The following LRP1B variants were observed in gnomAD, a reference collection of about 807,000 sequenced individuals.
LRP1B encodes the protein low-density lipoprotein receptor-related protein 1B.
Under a neutral mutation model 556.6 loss-of-function variants are expected in LRP1B, and 217 were observed. That is an observed-to-expected ratio of 0.39 (90% CI 0.35 to 0.44). LRP1B has a LOEUF of 0.44. Among genes scored for constraint, LRP1B ranks in the 20% least tolerant of loss-of-function variants. LRP1B has a pLI of 1.00. For synonymous variants in LRP1B, 2,047 were observed against 1,865.8 expected, an observed-to-expected ratio of 1.10 and a Z score of -2.50; for missense variants, 5,053 against 5,620.8, an observed-to-expected ratio of 0.90 and a Z score of 3.23.
chr2:142,089,535 C>A (rs991946124), intron 1 of LRP1B, among the ~76,000 whole-genome samples: 1 of 152,124 alleles, frequency 6.6e-6, no homozygotes, highest in Admixed American at 6.5e-5. Context: ...ACAAACAGGC[C>A]AGGTCTTACA....
chr2:142,092,375 T>G (rs1229268902), intron 1 of LRP1B, among the ~76,000 whole-genome samples: 1 of 152,176 alleles, frequency 6.6e-6, no homozygotes, highest in Non-Finnish European at 1.5e-5. Context: ...ATTTGTATTA[T>G]GTACAGTGGT....
chr2:140,862,731 G>A (rs1692834658), intron 27 of LRP1B, among the ~76,000 whole-genome samples: 1 of 152,158 alleles, frequency 6.6e-6, no homozygotes, highest in Non-Finnish European at 1.5e-5. Context: ...TGTCTAGATA[G>A]CTGGTAAAAT....
At chr2:141,223,397 C>G (rs1185949880) in intron 6 of LRP1B, among the ~76,000 whole-genome samples, 2 of 151,724 alleles carry the variant, frequency 1.3e-5, no homozygotes, top group Admixed American at 1.3e-4. Context: ...AGGACATAAA[C>G]AGAAAAACAT....
chr2:140,774,843 A>G (rs1689435486), intron 33 of LRP1B, among the ~76,000 whole-genome samples: 1 of 152,126 alleles, frequency 6.6e-6, no homozygotes, highest in South Asian at 2.1e-4. Flanking sequence ...CTTGTTTATT[A>G]TTGTGGACAT....
At chr2:140,726,018 T>G (rs868542657) in intron 35 of LRP1B, among the ~76,000 whole-genome samples, 1 of 152,184 alleles carries the variant, frequency 6.6e-6, no homozygotes, top group African/African-American at 2.4e-5. Context: ...CTCAGAGAAT[T>G]AAAACTACTT....
intron 35 of LRP1B, among the ~76,000 whole-genome samples, chr2:140,736,353 G>T (rs764940612): frequency 1.3e-5 from 2 of 151,984 alleles, no homozygotes; most frequent in Non-Finnish European, 2.9e-5. Flanking sequence ...CAGTCCCAAA[G>T]CTTGGCTCAA....
At chr2:142,056,671 A>C (rs1318501935) in intron 1 of LRP1B, among the ~76,000 whole-genome samples, 1 of 152,098 alleles carries the variant, frequency 6.6e-6, no homozygotes, top group African/African-American at 2.4e-5. Context: ...ATAGAATCAA[A>C]TTTACAAATT....
intron 1 of LRP1B, among the ~76,000 whole-genome samples, chr2:142,089,795 A>T (rs949428366): frequency 1.3e-5 from 2 of 152,190 alleles, no homozygotes; most frequent in African/African-American, 4.8e-5. Context: ...GAATAATGAA[A>T]ATTGCAAAGT....
chr2:140,946,046 A>C (rs1476894248), intron 20 of LRP1B, among the ~76,000 whole-genome samples: 1 of 152,222 alleles, frequency 6.6e-6, no homozygotes, highest in Non-Finnish European at 1.5e-5. Context: ...TAGGCCAAAG[A>C]CATGAACAGA....
intron 11 of LRP1B, among the ~76,000 whole-genome samples, chr2:141,045,321 G>T (rs889662610): frequency 6.6e-6 from 1 of 150,538 alleles, no homozygotes; most frequent in Non-Finnish European, 1.5e-5. Context: ...CCTAATGCTA[G>T]ATGACGAGAT....
chr2:140,492,044 G>GGT (rs1688723021), intron 57 of LRP1B, among the ~76,000 whole-genome samples: 10 of 152,158 alleles, frequency 6.6e-5, no homozygotes, highest in African/African-American at 2.4e-4. Flanking sequence ...AAACTTTTCT[G>GGT]TTTTTTTCCT....
chr2:140,246,917 T>A (rs559275788), intron 87 of LRP1B, among the ~76,000 whole-genome samples, 169 bp downstream of exon 87: 209 of 151,588 alleles, frequency 1.4e-3, no homozygotes, highest in Non-Finnish European at 2.5e-3. Flanking sequence ...CTGGATCCTG[T>A]AATTAGATGA....
chr2:141,804,432 T>C (rs1696106164), intron 2 of LRP1B, among the ~76,000 whole-genome samples: 1 of 151,998 alleles, frequency 6.6e-6, no homozygotes, highest in Non-Finnish European at 1.5e-5. Context: ...TTTGGAAGAG[T>C]TCCTAGAAAA....
At chr2:140,504,834 C>T (rs13024579) in intron 53 of LRP1B, among the ~76,000 whole-genome samples, 1 of 152,166 alleles carries the variant, frequency 6.6e-6, no homozygotes, top group African/African-American at 2.4e-5. Context: ...AGAACTATCA[C>T]AATAACCCCC....
rs139904247 is a variant in LRP1B at position 140,262,882 on chromosome 2, A to C, written c.13247+7360T>G. ...TTGCTGTGCTGTGGAGGATATATAA[A>C]CAAAAAGGGGCTATGGAAATGTGCG... On this transcript the variant is annotated intron_variant, in intron 86 of 90. Transcript: ENST00000389484. Among the ~76,000 whole-genome samples, 435 of 152,166 alleles carry C rather than the reference A, an allele frequency of 2.9e-3. 3 individuals are homozygous for C. The highest frequency in any genetic ancestry group is 9.8e-3 in the African/African-American group (406 of 41,532).
At chr2:140,398,519 T>TTTG (rs6146936) in intron 66 of LRP1B, among the ~76,000 whole-genome samples, 2,111 of 151,304 alleles carry the variant, frequency 0.014, 111 homozygotes, top group East Asian at 0.13. Context: ...TTCTTTCTCT[T>TTTG]TTGTTGTTGT....
At chr2:141,973,797 G>A (rs76362462) in intron 1 of LRP1B, among the ~76,000 whole-genome samples, 6 of 151,792 alleles carry the variant, frequency 4.0e-5, no homozygotes, top group South Asian at 2.1e-4. Context: ...CAAAATCATA[G>A]ATAATGACTT....
intron 2 of LRP1B, among the ~76,000 whole-genome samples, chr2:141,625,004 G>C (rs375905265): frequency 6.6e-6 from 1 of 152,018 alleles, no homozygotes; most frequent in East Asian, 1.9e-4. Context: ...TCCTGACCTC[G>C]TGATCCGCCC....
chr2:140,263,064 C>G (rs1296801861), intron 86 of LRP1B, among the ~76,000 whole-genome samples: 1 of 152,098 alleles, frequency 6.6e-6, no homozygotes, highest in Non-Finnish European at 1.5e-5. Flanking sequence ...GCTAGAACCA[C>G]AGGCGCACAC....
Sources: allele counts gnomAD v4.1 joint callset (sites outside exome capture counted in the v4.1 genomes callset), GRCh38; gene constraint gnomAD v4.1.1; transcripts MANE v1.5; gene names NCBI Gene and HGNC (gene_info 2026-07-23, HGNC 2026-07-21).